Variants in SWT1 observed in about 807,000 individuals in gnomAD.
SWT1 encodes SWT1 RNA endoribonuclease homolog.
A neutral mutation model predicts 107.3 loss-of-function variants in SWT1; 33 were observed. The observed-to-expected ratio is 0.31, with a 90% CI of 0.23 to 0.41. The LOEUF (loss-of-function observed/expected upper bound fraction) is 0.41. Ranked by LOEUF, SWT1 falls within the 10% of genes least tolerant of loss-of-function variation. SWT1 has a pLI of 1.00. For missense variants in SWT1, 898 were observed against 1,028.9 expected (o/e 0.87, Z 1.74); for synonymous variants, 345 against 348.3 (o/e 0.99, Z 0.11).
At chr1:185,194,662 T>G (rs988905476) in intron 10 of SWT1, among the ~76,000 whole-genome samples, 2 of 152,194 alleles carry the variant, frequency 1.3e-5, no homozygotes, top group African/African-American at 4.8e-5. Context: ...TTCCTTGCCT[T>G]TATCAAATCT....
intron 18 of SWT1, among the ~76,000 whole-genome samples, chr1:185,279,228 C>T (rs543722575): frequency 2.0e-5 from 3 of 152,088 alleles, no homozygotes; most frequent in Non-Finnish European, 2.9e-5. Flanking sequence ...CAACCTTAGC[C>T]GTATTTTTTA....
intron 15 of SWT1, among the ~76,000 whole-genome samples, chr1:185,223,375 C>CTA: frequency 6.6e-6 from 1 of 152,192 alleles, no homozygotes; most frequent in East Asian, 1.9e-4. Flanking sequence ...TGATATCTCA[C>CTA]TATGTTGCCC....
At chr1:185,259,363 G>C (rs1475222061) in intron 16 of SWT1, among the ~76,000 whole-genome samples, 1 of 152,122 alleles carries the variant, frequency 6.6e-6, no homozygotes, top group Non-Finnish European at 1.5e-5. Context: ...TAAATAGAGA[G>C]GAAGAAACTA....
At chr1:185,159,400 A>G (rs1166130450) in intron 1 of SWT1, among the ~76,000 whole-genome samples, 5 of 152,220 alleles carry the variant, frequency 3.3e-5, no homozygotes, top group Admixed American at 3.3e-4. Flanking sequence ...ATAGTCCACA[A>G]TACTGTCATC....
intron 15 of SWT1, among the ~76,000 whole-genome samples, chr1:185,223,052 T>G (rs1455554141): frequency 6.6e-6 from 1 of 152,196 alleles, no homozygotes; most frequent in Non-Finnish European, 1.5e-5. Context: ...TTCATGTCCT[T>G]TGGATGTATA....
intron 16 of SWT1, among the ~76,000 whole-genome samples, chr1:185,265,400 C>T (rs2102707824): frequency 6.6e-6 from 1 of 152,058 alleles, no homozygotes; most frequent in Non-Finnish European, 1.5e-5. Flanking sequence ...ATAAATAATC[C>T]CCCCCAAACG....
intron 10 of SWT1, among the ~76,000 whole-genome samples, chr1:185,194,171 A>C (rs1459933676): frequency 6.6e-6 from 1 of 152,024 alleles, no homozygotes; most frequent in Non-Finnish European, 1.5e-5. Context: ...TAGCCCCTCT[A>C]CGCCTGTATA....
In SWT1 at chr1:185,206,776, T is replaced by G. The variant is rs1447232942; in HGVS notation, c.1972+13T>G. 4.5e-6 allele frequency: 7 copies of G among 1,566,616 alleles called. No individual in the cohort carries two copies. The highest frequency in any genetic ancestry group is 5.2e-6 in the Non-Finnish European group (6 of 1,156,978). ...AATCTCCGTAAAGGTATGAATCTTT[T>G]ATTTTTCTCTTTAGCAGTGTTGTAT... On this transcript the variant is annotated intron_variant, in intron 13 of 18. Coordinates refer to ENST00000367500, the MANE Select transcript of SWT1 (RefSeq NM_017673.7).
intron 16 of SWT1, among the ~76,000 whole-genome samples, chr1:185,254,678 T>A (rs1259181883): frequency 6.6e-6 from 1 of 152,086 alleles, no homozygotes. Context: ...CTTTTTTTCT[T>A]TATTAGTCTT....
At chr1:185,194,146 G>T (rs1006813742) in intron 10 of SWT1, among the ~76,000 whole-genome samples, 2 of 151,932 alleles carry the variant, frequency 1.3e-5, no homozygotes, top group African/African-American at 2.4e-5. Context: ...GTATCTTTTT[G>T]TATCCTTTTA....
At chr1:185,219,987 TA>T (rs1395318666) in intron 14 of SWT1, among the ~76,000 whole-genome samples, 1 of 150,856 alleles carries the variant, frequency 6.6e-6, no homozygotes, top group African/African-American at 2.4e-5. Context: ...CTACAACAAA[TA>T]AAAAAAATTA....
At chr1:185,189,555 A>T (rs1656767898) in intron 9 of SWT1, among the ~76,000 whole-genome samples, 1 of 152,086 alleles carries the variant, frequency 6.6e-6, no homozygotes, top group Non-Finnish European at 1.5e-5. Context: ...AGTTACTTAT[A>T]ATCTGTAAGT....
chr1:185,170,751 T>C (rs1654980424), intron 4 of SWT1, among the ~76,000 whole-genome samples: 1 of 152,204 alleles, frequency 6.6e-6, no homozygotes, highest in Admixed American at 6.5e-5. Flanking sequence ...TGGTGGGTGA[T>C]GGACTATGCA....
At chr1:185,163,305 G>GCAT (rs1345612690) in intron 2 of SWT1, among the ~76,000 whole-genome samples, 1 of 151,904 alleles carries the variant, frequency 6.6e-6, no homozygotes. Context: ...TCAACAGTGT[G>GCAT]CATGGCATCT....
At chr1:185,265,070 T>C (rs574475949) in intron 16 of SWT1, among the ~76,000 whole-genome samples, 1 of 152,310 alleles carries the variant, frequency 6.6e-6, no homozygotes, top group South Asian at 2.1e-4. Context: ...AGATTTCTAG[T>C]ATTCTGAATA....
chr1:185,199,026 A>G (rs959954498), intron 10 of SWT1, among the ~76,000 whole-genome samples: 2 of 149,382 alleles, frequency 1.3e-5, no homozygotes, highest in African/African-American at 5.0e-5. Context: ...CAGCCTCCAC[A>G]TCCTGGGTTC....
At chr1:185,197,174 G>T (rs554850008) in intron 10 of SWT1, among the ~76,000 whole-genome samples, 2 of 152,132 alleles carry the variant, frequency 1.3e-5, no homozygotes, top group Non-Finnish European at 2.9e-5. Flanking sequence ...TAGCATGAAG[G>T]GGTGTTGAAT....
intron 14 of SWT1, among the ~76,000 whole-genome samples, chr1:185,218,413 G>C (rs1391127769): frequency 6.6e-6 from 1 of 152,080 alleles, no homozygotes; most frequent in Non-Finnish European, 1.5e-5. Context: ...CGTGTCAAAT[G>C]ATCCTCCAGC....
At chr1:185,163,994 A>G (rs1321520502) in intron 2 of SWT1, among the ~76,000 whole-genome samples, 1 of 152,138 alleles carries the variant, frequency 6.6e-6, no homozygotes, top group African/African-American at 2.4e-5. Flanking sequence ...TAGCCTTACA[A>G]TATGTATTTT....
Sources: allele counts gnomAD v4.1 joint callset (sites outside exome capture counted in the v4.1 genomes callset), GRCh38; gene constraint gnomAD v4.1.1; transcripts MANE v1.5; gene names NCBI Gene and HGNC (gene_info 2026-07-23, HGNC 2026-07-21).